Variants in MSRB3 observed in about 807,000 individuals in gnomAD.
MSRB3 encodes methionine-R-sulfoxide reductase B3.
In MSRB3, 13 loss-of-function variants were observed where a neutral mutation model predicts 21.0. That is an observed-to-expected ratio of 0.62 (90% CI 0.40 to 0.98). The LOEUF is 0.98. Ranked by LOEUF, MSRB3 falls within the 50% of genes least tolerant of loss-of-function variation. The pLI is 0.00. For missense variants in MSRB3, 199 were observed against 230.3 expected, an observed-to-expected ratio of 0.86 and a Z score of 0.88; for synonymous variants, 87 against 88.6, an observed-to-expected ratio of 0.98 and a Z score of 0.10.
chr12:65,301,493 A>C (rs954304698), intron 1 of MSRB3, among the ~76,000 whole-genome samples: 2 of 152,196 alleles, frequency 1.3e-5, no homozygotes, highest in Non-Finnish European at 2.9e-5. Context: ...TGATGAAATC[A>C]GTGATGATAT....
intron 5 of MSRB3, among the ~76,000 whole-genome samples, chr12:65,381,741 T>C (rs1334394909): frequency 6.6e-6 from 1 of 152,034 alleles, no homozygotes; most frequent in Non-Finnish European, 1.5e-5. Context: ...AATTAACACA[T>C]TTAAAGTAAA....
intron 4 of MSRB3, among the ~76,000 whole-genome samples, chr12:65,353,745 T>C (rs950564156): frequency 5.3e-5 from 8 of 152,266 alleles, no homozygotes; most frequent in Non-Finnish European, 8.8e-5. Flanking sequence ...AATGTTATTA[T>C]GTGTGAATTT....
intron 5 of MSRB3, among the ~76,000 whole-genome samples, chr12:65,418,327 C>T (rs1881089383): frequency 6.6e-6 from 1 of 152,054 alleles, no homozygotes; most frequent in African/African-American, 2.4e-5. Context: ...AAGTCCTTTG[C>T]CCGTTTTTAA....
rs547936098 is a variant in MSRB3, at chr12:65,293,076, T to C, written c.-52+14211T>C. ...TAGATACCATAAACACATCACAAGC[T>C]GAACTTTTTTTGCCTGAACTTAAGC... On this transcript the variant is annotated intron_variant, in intron 1 of 6. Coordinates refer to ENST00000308259, the MANE Select transcript of MSRB3 (RefSeq NM_001031679.3). Among the ~76,000 whole-genome samples, 5 of 152,320 alleles carry C rather than the reference T, an allele frequency of 3.3e-5. No individual in the cohort carries two copies. The South Asian group carries it at 8.3e-4, about 25-fold the overall frequency.
chr12:65,282,524 A>G (rs1021262732), intron 1 of MSRB3, among the ~76,000 whole-genome samples: 1 of 152,186 alleles, frequency 6.6e-6, no homozygotes, highest in African/African-American at 2.4e-5. Context: ...ACAGAAATGA[A>G]CTAGTTTTAG....
chr12:65,286,935 C>A (rs377406383), intron 1 of MSRB3, among the ~76,000 whole-genome samples: 162 of 138,518 alleles, frequency 1.2e-3, no homozygotes, highest in African/African-American at 4.1e-3. Flanking sequence ...GTGGGAGAAT[C>A]GCTTGAGCCC....
chr12:65,363,232 G>A (rs1240781731), intron 4 of MSRB3, among the ~76,000 whole-genome samples: 1 of 152,116 alleles, frequency 6.6e-6, no homozygotes, highest in Non-Finnish European at 1.5e-5. Context: ...TAAAATTTTT[G>A]ATACAGTTGA....
chr12:65,309,377 T>C (rs1873848113), intron 2 of MSRB3, among the ~76,000 whole-genome samples: 1 of 152,214 alleles, frequency 6.6e-6, no homozygotes, highest in South Asian at 2.1e-4. Flanking sequence ...ATTTTTCCAT[T>C]AGTGTACATA....
intron 5 of MSRB3, among the ~76,000 whole-genome samples, chr12:65,417,130 A>G (rs1488554717): frequency 6.6e-6 from 1 of 152,198 alleles, no homozygotes; most frequent in African/African-American, 2.4e-5. Flanking sequence ...TTGTTCAACT[A>G]TAAGATCATG....
intron 5 of MSRB3, among the ~76,000 whole-genome samples, chr12:65,431,032 A>G (rs1044007934): frequency 1.3e-5 from 2 of 152,112 alleles, no homozygotes; most frequent in African/African-American, 4.8e-5. Flanking sequence ...TTTCCTAGTG[A>G]CAATACTTCA....
Position 65,464,261 on chromosome 12 carries a change from G to A in MSRB3, c.*939G>A, listed in dbSNP as rs1220474998. ...TGCACTCCAGCCTACATGACAATGT[G>A]ACACTCCATCTCAAAAAATAATAAT... is the stretch of plus-strand genomic sequence containing the variant. On this transcript the variant is annotated 3_prime_UTR_variant, in exon 7 of 7. Transcript: ENST00000308259. 2 of 152,100 alleles carry A rather than the reference G, an allele frequency of 1.3e-5. No homozygotes were observed. The highest frequency in any genetic ancestry group is 3.9e-4 in the East Asian group (2 of 5,178). 9.4% of individuals were successfully genotyped at this position (152,100 alleles called of 1,614,324 possible).
intron 4 of MSRB3, among the ~76,000 whole-genome samples, chr12:65,354,411 C>G (rs769561933): frequency 3.1e-4 from 47 of 151,928 alleles, no homozygotes; most frequent in Non-Finnish European, 6.6e-4. Flanking sequence ...TTCTTGGAGG[C>G]TTTGTTCGTT....
Position 65,278,711 on chromosome 12 carries a change from G to T in MSRB3, c.-206G>T. 1.4e-6 allele frequency: 2 copies of T among 1,471,512 alleles called. No homozygotes were observed. Among genetic ancestry groups the T allele is most frequent in the East Asian group, 2.4e-5 (1 of 41,532 alleles). The allele number at this position is 1,471,512 out of a possible 1,614,324, so 91.2% of individuals were successfully genotyped here. A position where few individuals can be genotyped will look rare whatever the true frequency, so the allele number is the denominator to read the frequency against. On this transcript the variant is annotated 5_prime_UTR_variant, in exon 1 of 7. Transcript: ENST00000308259. Reference sequence around the variant, plus strand: ...CCTCCCGCCGCCCCGTCCGTCGCCCGGAGCCGGGGAGGGAGGGAGCGAGGT... The same window carrying T: ...CCTCCCGCCGCCCCGTCCGTCGCCCTGAGCCGGGGAGGGAGGGAGCGAGGT...
At chr12:65,295,358 G>T (rs146812599) in intron 1 of MSRB3, among the ~76,000 whole-genome samples, 85 of 152,190 alleles carry the variant, frequency 5.6e-4, no homozygotes, top group African/African-American at 1.9e-3. Flanking sequence ...GACTATTGTC[G>T]AATAGTTGAC....
At chr12:65,410,788 A>G (rs1480364519) in intron 5 of MSRB3, among the ~76,000 whole-genome samples, 1 of 152,262 alleles carries the variant, frequency 6.6e-6, no homozygotes, top group Non-Finnish European at 1.5e-5. Flanking sequence ...AAGGTTTAGC[A>G]TAATATCTGT....
rs558077603 is a variant in MSRB3 at position 65,314,550 on chromosome 12, C to G, written c.76+5895C>G. Reference sequence around the variant, plus strand: ...GTGCAGCATCTAATTACCAGATGAACTTTTAATTATCTGTGACAATGGATA... The same window carrying G: ...GTGCAGCATCTAATTACCAGATGAAGTTTTAATTATCTGTGACAATGGATA... On this transcript the variant is annotated intron_variant, in intron 2 of 6. Coordinates refer to ENST00000308259, the MANE Select transcript of MSRB3 (RefSeq NM_001031679.3). Among the ~76,000 whole-genome samples the G allele has an allele frequency of 2.6e-5, 4 of 152,076 alleles. No individual in the cohort carries two copies. In the East Asian group the frequency reaches 7.7e-4, roughly 29 times the overall value.
intron 1 of MSRB3, among the ~76,000 whole-genome samples, chr12:65,281,332 G>A (rs1872005175): frequency 6.6e-6 from 1 of 152,262 alleles, no homozygotes; most frequent in African/African-American, 2.4e-5. Context: ...AAGTTGGACA[G>A]TTTCCATGTC....
At chr12:65,315,089 T>G (rs531772853) in intron 2 of MSRB3, among the ~76,000 whole-genome samples, 18 of 152,334 alleles carry the variant, frequency 1.2e-4, no homozygotes, top group Non-Finnish European at 2.1e-4. Flanking sequence ...ACTATCATCC[T>G]TTCCTAGTTT....
intron 5 of MSRB3, among the ~76,000 whole-genome samples, chr12:65,451,020 A>C (rs961578075): frequency 1.3e-5 from 2 of 152,178 alleles, no homozygotes; most frequent in Non-Finnish European, 2.9e-5. Context: ...TTTTCTGAGA[A>C]GTCTAGCAAA....
Sources: allele counts gnomAD v4.1 joint callset (sites outside exome capture counted in the v4.1 genomes callset), GRCh38; gene constraint gnomAD v4.1.1; transcripts MANE v1.5; gene names NCBI Gene and HGNC (gene_info 2026-07-23, HGNC 2026-07-21).